Variants in GABBR2 observed in about 807,000 individuals in gnomAD.
GABBR2 encodes G-protein coupled receptor 51.
A neutral mutation model predicts 105.6 loss-of-function variants in GABBR2; 23 were observed. The ratio of observed to expected loss-of-function variants is 0.22; its 90% CI spans 0.16 to 0.31. The LOEUF (loss-of-function observed/expected upper bound fraction) is 0.31, where lower values mean the gene tolerates loss of function less well. Ranked by LOEUF, GABBR2 falls within the 10% of genes least tolerant of loss-of-function variation. The pLI, the probability that GABBR2 is intolerant of heterozygous loss-of-function variation, is 1.00. For missense variants in GABBR2, 734 were observed against 1,245.5 expected (o/e 0.59, Z 6.18); for synonymous variants, 478 against 499.7 (o/e 0.96, Z 0.58).
chr9:98,677,765 C>T (rs994718421), intron 1 of GABBR2, among the ~76,000 whole-genome samples: 2 of 152,112 alleles, frequency 1.3e-5, no homozygotes, highest in African/African-American at 4.8e-5. Context: ...GTACACTAGC[C>T]TCAGGGCCTG....
In GABBR2 at chr9:98,547,938, C is replaced by G. The variant is rs1481294755; in HGVS notation, c.460-5895G>C. 1.6e-5 allele frequency among the ~76,000 whole-genome samples: 2 copies of G among 121,474 alleles called. 1 individual carries two copies. Among genetic ancestry groups the G allele is most frequent in the Non-Finnish European group, 3.7e-5 (2 of 54,058 alleles). 79.7% of individuals were successfully genotyped at this position (121,474 alleles called of 152,430 possible). On this transcript the variant is annotated intron_variant, in intron 2 of 18. Coordinates refer to ENST00000259455, the MANE Select transcript of GABBR2 (RefSeq NM_005458.8). ...ATTGTGTTATTGACATTTTTAGTTT[C>G]CTATGAATTTTTCATGATCATCTCC... is the stretch of plus-strand genomic sequence containing the variant.
chr9:98,346,761 G>T (rs1479602942), intron 13 of GABBR2, among the ~76,000 whole-genome samples: 2 of 151,896 alleles, frequency 1.3e-5, no homozygotes, highest in African/African-American at 4.8e-5. Context: ...CAGTACCCAC[G>T]ATTCTACCCT....
intron 11 of GABBR2, among the ~76,000 whole-genome samples, chr9:98,372,091 T>A (rs2131463757): frequency 1.3e-5 from 2 of 152,350 alleles, no homozygotes; most frequent in Middle Eastern, 3.4e-3. Flanking sequence ...AGGCCCTGTC[T>A]GGCTCTCACC....
intron 1 of GABBR2, among the ~76,000 whole-genome samples, chr9:98,707,622 G>A (rs1390525994): frequency 6.6e-6 from 1 of 152,356 alleles, no homozygotes; most frequent in Non-Finnish European, 1.5e-5. Flanking sequence ...TCTGTGCTCC[G>A]GCTGCTAGGT....
chr9:98,668,710 CA>C (rs1208640329), intron 1 of GABBR2, among the ~76,000 whole-genome samples: 18 of 152,268 alleles, frequency 1.2e-4, no homozygotes, highest in African/African-American at 4.1e-4. Flanking sequence ...TAACAACCAC[CA>C]TTCTATTTTC....
intron 1 of GABBR2, among the ~76,000 whole-genome samples, chr9:98,649,867 T>G (rs925317792): frequency 1.3e-5 from 2 of 152,190 alleles, no homozygotes; most frequent in African/African-American, 4.8e-5. Context: ...AGGTGGCCAT[T>G]TACCTTGCTT....
intron 1 of GABBR2, among the ~76,000 whole-genome samples, chr9:98,659,139 C>T (rs577283675): frequency 9.3e-4 from 141 of 152,258 alleles, no homozygotes; most frequent in Middle Eastern, 3.4e-3. Flanking sequence ...TATATTCTTG[C>T]TTTTTCCACT....
intron 11 of GABBR2, among the ~76,000 whole-genome samples, chr9:98,379,675 A>G (rs1159548268): frequency 1.3e-5 from 2 of 152,248 alleles, no homozygotes; most frequent in Non-Finnish European, 2.9e-5. Context: ...TCGTTCATAC[A>G]TAATGATAAC....
intron 11 of GABBR2, 130 bp from the exon 12 acceptor site, chr9:98,371,701 C>T (rs1176519802): frequency 3.2e-6 from 2 of 620,328 alleles, no homozygotes; most frequent in Non-Finnish European, 5.8e-6. Context: ...AGTTGAGTTT[C>T]ATTGGCATCT....
chr9:98,462,916 T>C (rs1284490807), intron 6 of GABBR2, among the ~76,000 whole-genome samples: 1 of 151,932 alleles, frequency 6.6e-6, no homozygotes. Context: ...TGAGATGGAG[T>C]CTCACTTTGT....
chr9:98,453,063 G>A (rs1826260106), intron 7 of GABBR2, among the ~76,000 whole-genome samples: 1 of 152,000 alleles, frequency 6.6e-6, no homozygotes, highest in Non-Finnish European at 1.5e-5. Context: ...TTTTGCTCTT[G>A]TGGCCCAGGC....
chr9:98,701,417 C>T (rs914171897), intron 1 of GABBR2, among the ~76,000 whole-genome samples: 1 of 152,122 alleles, frequency 6.6e-6, no homozygotes, highest in Non-Finnish European at 1.5e-5. Context: ...TGCTGGTAGG[C>T]ACATGCAGAG....
At chr9:98,320,383 C>T (rs1830798220) in intron 13 of GABBR2, among the ~76,000 whole-genome samples, 1 of 151,860 alleles carries the variant, frequency 6.6e-6, no homozygotes, top group Admixed American at 6.6e-5. Context: ...GTTGGTGGGA[C>T]TGTAAACTAG....
Position 98,590,939 on chromosome 9 carries a change from C to T in GABBR2, c.322-12867G>A, listed in dbSNP as rs1467937729. Among the ~76,000 whole-genome samples the T allele has an allele frequency of 3.3e-5, 5 of 152,164 alleles. No homozygotes were observed. The East Asian group carries it at 9.6e-4, about 29-fold the overall frequency. On this transcript the variant is annotated intron_variant, in intron 1 of 18. Transcript: ENST00000259455. Reference sequence around the variant, plus strand: ...AGAATATTCATTCATCCCATAAACGCACCCTGGGTGATGAAGAACCAGGTC... The same window carrying T: ...AGAATATTCATTCATCCCATAAACGTACCCTGGGTGATGAAGAACCAGGTC...
chr9:98,461,055 C>T (rs1826417132), intron 6 of GABBR2, among the ~76,000 whole-genome samples: 1 of 152,096 alleles, frequency 6.6e-6, no homozygotes, highest in South Asian at 2.1e-4. Flanking sequence ...ATACATCTCT[C>T]AATATTAAAG....
At chr9:98,679,565 G>T (rs1203178193) in intron 1 of GABBR2, among the ~76,000 whole-genome samples, 1 of 152,204 alleles carries the variant, frequency 6.6e-6, no homozygotes, top group African/African-American at 2.4e-5. Context: ...GAATGGATGG[G>T]ATAGCCTTCA....
chr9:98,499,357 T>A (rs1827352162), intron 3 of GABBR2, among the ~76,000 whole-genome samples: 1 of 152,214 alleles, frequency 6.6e-6, no homozygotes, highest in Non-Finnish European at 1.5e-5. Flanking sequence ...ATGAGGAAAC[T>A]GAAGTGTGAT....
chr9:98,318,042 C>G (rs187127885), intron 13 of GABBR2, among the ~76,000 whole-genome samples: 4 of 152,114 alleles, frequency 2.6e-5, no homozygotes, highest in African/African-American at 4.8e-5. Context: ...TGGCAGAAGG[C>G]ATGGCAAGGG....
At chr9:98,390,382 A>G (rs930378411) in intron 9 of GABBR2, among the ~76,000 whole-genome samples, 1 of 142,952 alleles carries the variant, frequency 7.0e-6, no homozygotes, top group African/African-American at 2.9e-5. Context: ...TCACAAAAAA[A>G]AAAAAAAAAA....
Sources: allele counts gnomAD v4.1 joint callset (sites outside exome capture counted in the v4.1 genomes callset), GRCh38; gene constraint gnomAD v4.1.1; transcripts MANE v1.5; gene names NCBI Gene and HGNC (gene_info 2026-07-23, HGNC 2026-07-21).